The following SORCS2 variants were observed in gnomAD, a reference collection of about 807,000 sequenced individuals.
SORCS2 encodes VPS10 domain-containing receptor SorCS2.
A neutral mutation model predicts 141.6 loss-of-function variants in SORCS2; 100 were observed. The observed-to-expected ratio is 0.71, with a 90% CI of 0.60 to 0.83. The LOEUF (loss-of-function observed/expected upper bound fraction) is 0.83. Among genes scored for constraint, SORCS2 ranks in the 40% least tolerant of loss-of-function variants. The pLI is 0.00. For missense variants in SORCS2, 1,646 were observed against 1,560.2 expected, an observed-to-expected ratio of 1.05 and a Z score of -0.93; for synonymous variants, 789 against 676.9, an observed-to-expected ratio of 1.17 and a Z score of -2.57.
intron 3 of SORCS2, among the ~76,000 whole-genome samples, chr4:7,541,159 G>A (rs1712618932): frequency 6.6e-6 from 1 of 152,244 alleles, no homozygotes; most frequent in South Asian, 2.1e-4. Context: ...CGGGAGGGGA[G>A]CCAAAGGGTG....
intron 15 of SORCS2, among the ~76,000 whole-genome samples, chr4:7,713,793 C>T (rs961031230): frequency 9.8e-5 from 15 of 152,296 alleles, no homozygotes; most frequent in African/African-American, 2.2e-4. Context: ...TACAGGCCAC[C>T]GGGCATCCTC....
intron 3 of SORCS2, among the ~76,000 whole-genome samples, chr4:7,587,591 G>A (rs1053479611): frequency 2.0e-5 from 3 of 152,200 alleles, no homozygotes; most frequent in South Asian, 2.1e-4. Flanking sequence ...GGCCCATGGG[G>A]TTTCCATAGA....
At position 7,503,344 on chromosome 4, in the gene SORCS2, T is replaced by G. The variant is rs146406180; in HGVS notation, c.549-28186T>G. ...GAGTAACAGAGTTGTCTGTAAAAAGTTTGTCTCCCAGAAGTTTGAGGTTGG... is the reference window on the plus strand; with the variant it reads ...GAGTAACAGAGTTGTCTGTAAAAAGGTTGTCTCCCAGAAGTTTGAGGTTGG... On this transcript the variant is annotated intron_variant, in intron 2 of 26. Transcript: ENST00000507866. 1.2e-3 allele frequency among the ~76,000 whole-genome samples: 178 copies of G among 152,232 alleles called. 2 individuals are homozygous for G. Among genetic ancestry groups the G allele is most frequent in the Non-Finnish European group, 2.3e-3 (156 of 68,002 alleles).
chr4:7,656,194 G>C (rs968350676), intron 5 of SORCS2, among the ~76,000 whole-genome samples: 1 of 152,256 alleles, frequency 6.6e-6, no homozygotes, highest in Non-Finnish European at 1.5e-5. Flanking sequence ...TTAACGTTTT[G>C]TGAAGCTACA....
intron 2 of SORCS2, among the ~76,000 whole-genome samples, chr4:7,525,534 A>C (rs911302648): frequency 2.0e-5 from 3 of 151,970 alleles, no homozygotes; most frequent in Non-Finnish European, 4.4e-5. Flanking sequence ...GCACCTGAGC[A>C]GTGTCACTCC....
intron 2 of SORCS2, among the ~76,000 whole-genome samples, chr4:7,427,059 G>T (rs1025168905): frequency 1.3e-5 from 2 of 152,172 alleles, no homozygotes; most frequent in East Asian, 1.9e-4. Context: ...TTGAGCCCTC[G>T]CCTGCCTTGG....
chr4:7,206,521 A>G (rs1006193501), intron 1 of SORCS2, among the ~76,000 whole-genome samples: 1 of 152,174 alleles, frequency 6.6e-6, no homozygotes, highest in Non-Finnish European at 1.5e-5. Flanking sequence ...TTAACGCACT[A>G]ATTAATCTCC....
chr4:7,550,834 A>G (rs1713643847), intron 3 of SORCS2, among the ~76,000 whole-genome samples: 1 of 152,210 alleles, frequency 6.6e-6, no homozygotes, highest in African/African-American at 2.4e-5. Flanking sequence ...TTGAGGTAAA[A>G]CAAAGTGTCC....
chr4:7,402,666 T>C (rs926533789), intron 2 of SORCS2, among the ~76,000 whole-genome samples: 1 of 152,184 alleles, frequency 6.6e-6, no homozygotes, highest in Non-Finnish European at 1.5e-5. Flanking sequence ...TGTGCACAAC[T>C]TTCTTTTTCT....
chr4:7,481,708 G>A (rs769847633), intron 2 of SORCS2, among the ~76,000 whole-genome samples: 154 of 152,192 alleles, frequency 1.0e-3, no homozygotes, highest in Middle Eastern at 3.4e-3. Context: ...GGTGGGGAGG[G>A]CACTACTGAG....
In SORCS2 at chr4:7,664,597, T is replaced by C; in HGVS notation, c.1071+126T>C. 1.5e-6 allele frequency: 1 copy of C among 669,576 alleles called. No homozygotes were observed. The highest frequency in any genetic ancestry group is 2.7e-5 in the Admixed American group (1 of 36,490). The allele number at this position is 669,576 out of a possible 1,614,324, so 41.5% of individuals were successfully genotyped here. On this transcript the variant is annotated intron_variant, in intron 7 of 26. Transcript: ENST00000507866. This position sits in a 1 kb window ranked among gnomAD's most constrained non-coding sequence, Gnocchi z 4.7. Reference sequence around the variant, plus strand: ...CGGGTATTTCACTCTCAAATGCTACTTCGCAGGTCACGGTTTCTGACCGTG... The same window carrying C: ...CGGGTATTTCACTCTCAAATGCTACCTCGCAGGTCACGGTTTCTGACCGTG...
At chr4:7,701,008 C>T (rs746495885) in intron 12 of SORCS2, among the ~76,000 whole-genome samples, 1 of 152,230 alleles carries the variant, frequency 6.6e-6, no homozygotes, top group Non-Finnish European at 1.5e-5. Flanking sequence ...TCAGTGAGAT[C>T]CTGTGTGCAG....
At chr4:7,566,409 T>A (rs1715019259) in intron 3 of SORCS2, among the ~76,000 whole-genome samples, 1 of 152,200 alleles carries the variant, frequency 6.6e-6, no homozygotes, top group African/African-American at 2.4e-5. Context: ...GGATTGATGA[T>A]GAAGATAGTG....
Position 7,233,272 on chromosome 4 carries a change from C to T in SORCS2, c.480+40146C>T, listed in dbSNP as rs1386362693. On this transcript the variant is annotated intron_variant, in intron 1 of 26. Transcript: ENST00000507866. The surrounding 1 kb of genome is among the most constrained non-coding windows in gnomAD (Gnocchi z 4.5). ...TAGGAAGGGTGGTGTGGGACCCAGACACCAACTGTGGACTATGCCTGCAGA... is the reference window on the plus strand; with the variant it reads ...TAGGAAGGGTGGTGTGGGACCCAGATACCAACTGTGGACTATGCCTGCAGA... Among the ~76,000 whole-genome samples the T allele has an allele frequency of 6.6e-6, 1 of 152,182 alleles. No individual in the cohort carries two copies. Among genetic ancestry groups the T allele is most frequent in the African/African-American group, 2.4e-5 (1 of 41,440 alleles).
At chr4:7,656,041 G>A (rs1291216510) in intron 5 of SORCS2, among the ~76,000 whole-genome samples, 2 of 152,244 alleles carry the variant, frequency 1.3e-5, no homozygotes, top group Admixed American at 1.3e-4. Flanking sequence ...CTCCTGGAGC[G>A]TGGTGACAGC....
Position 7,332,371 on chromosome 4 carries a change from C to T in SORCS2, c.481-63917C>T, listed in dbSNP as rs544919029. Among the ~76,000 whole-genome samples, 293 of 152,350 alleles carry T rather than the reference C, an allele frequency of 1.9e-3. 2 individuals are homozygous for T. The highest frequency in any genetic ancestry group is 6.8e-3 in the African/African-American group (281 of 41,582). ...AGGACCACAGAGGCACCCGCAGCCT[C>T]CTGCAGACAGTGGGTGTTCTCCAGA... On this transcript the variant is annotated intron_variant, in intron 1 of 26. Coordinates refer to ENST00000507866, the MANE Select transcript of SORCS2 (RefSeq NM_020777.3).
chr4:7,538,986 C>T (rs1351057978), intron 3 of SORCS2, among the ~76,000 whole-genome samples: 3 of 152,208 alleles, frequency 2.0e-5, no homozygotes, highest in African/African-American at 7.2e-5. Flanking sequence ...CTAATCTCTA[C>T]AGCAGCCCTG....
chr4:7,597,991 T>C (rs1717398263), intron 3 of SORCS2, among the ~76,000 whole-genome samples: 2 of 147,134 alleles, frequency 1.4e-5, no homozygotes, highest in African/African-American at 2.5e-5. Flanking sequence ...TTTTTTAATA[T>C]GGAGTCTTGC....
At chr4:7,307,909 AGT>A (rs1237714564) in intron 1 of SORCS2, among the ~76,000 whole-genome samples, 8 of 151,588 alleles carry the variant, frequency 5.3e-5, no homozygotes, top group Admixed American at 2.6e-4. Context: ...TCTGTGCATG[AGT>A]GTGTGTGCAT....
Sources: allele counts gnomAD v4.1 joint callset (sites outside exome capture counted in the v4.1 genomes callset), GRCh38; gene constraint gnomAD v4.1.1; non-coding constraint Gnocchi (gnomAD v3.1); transcripts MANE v1.5; gene names NCBI Gene and HGNC (gene_info 2026-07-23, HGNC 2026-07-21).